EYS: variants seen among roughly 807,000 people sequenced by gnomAD.
EYS encodes protein eyes shut homolog.
Under a neutral mutation model 282.1 loss-of-function variants are expected in EYS, and 250 were observed. The ratio of observed to expected loss-of-function variants is 0.89; its 90% CI spans 0.80 to 0.98. EYS has a LOEUF of 0.98. EYS is among the 50% of genes least tolerant of loss of function. The probability of loss-of-function intolerance (pLI) is 0.00; values close to 1 mark genes in which losing one functional copy is unlikely to be tolerated. For missense variants in EYS, 4,016 were observed against 3,709.0 expected (o/e 1.08, Z -2.15); for synonymous variants, 1,355 against 1,282.9 (o/e 1.06, Z -1.20).
intron 12 of EYS, among the ~76,000 whole-genome samples, chr6:65,261,095 TC>T (rs1411014606): frequency 6.6e-6 from 1 of 152,038 alleles, no homozygotes; most frequent in Non-Finnish European, 1.5e-5. Flanking sequence ...TAAGAACATT[TC>T]AGAATGCATT....
intron 26 of EYS, among the ~76,000 whole-genome samples, chr6:64,509,464 T>G (rs2150517813): frequency 6.6e-6 from 1 of 152,274 alleles, no homozygotes; most frequent in Non-Finnish European, 1.5e-5. Flanking sequence ...GTCATGTAAT[T>G]GTCCTTAGTT....
chr6:64,003,556 A>G (rs1582113986), intron 33 of EYS, among the ~76,000 whole-genome samples: 1 of 152,226 alleles, frequency 6.6e-6, no homozygotes, highest in Non-Finnish European at 1.5e-5. Flanking sequence ...CATATACCCC[A>G]TAAATATAGA....
At chr6:65,582,282 A>G (rs531988123) in intron 2 of EYS, among the ~76,000 whole-genome samples, 1 of 152,210 alleles carries the variant, frequency 6.6e-6, no homozygotes, top group South Asian at 2.1e-4. Context: ...TTGGAAAAGC[A>G]GGTGTGAAGT....
chr6:64,762,001 A>G lies in EYS; in HGVS notation c.3443+51377T>C, dbSNP rs550080859. 3.9e-5 allele frequency among the ~76,000 whole-genome samples: 6 copies of G among 152,304 alleles called. No individual in the cohort carries two copies. In the South Asian group the frequency reaches 1.2e-3, roughly 32 times the overall value. On this transcript the variant is annotated intron_variant, in intron 22 of 42. Transcript: ENST00000503581. The stretch of plus-strand genomic sequence containing the variant: ...CACAGCAAAGTGACTATACTTAATA[A>G]TAATGAATGAATGATATATTGTATA...
At chr6:65,491,998 C>G (rs1766063610) in intron 4 of EYS, among the ~76,000 whole-genome samples, 1 of 152,086 alleles carries the variant, frequency 6.6e-6, no homozygotes, top group African/African-American at 2.4e-5. Context: ...TCAGAAGAAA[C>G]CATATCTGCC....
At chr6:64,670,408 A>T (rs949305183) in intron 22 of EYS, among the ~76,000 whole-genome samples, 1 of 129,924 alleles carries the variant, frequency 7.7e-6, no homozygotes, top group Non-Finnish European at 1.6e-5. Flanking sequence ...GCCCAAAATA[A>T]ATAAATAAAT....
intron 36 of EYS, among the ~76,000 whole-genome samples, chr6:63,859,111 T>A (rs2348400): frequency 0.58 from 41,238 of 71,036 alleles, 11,135 homozygotes; most frequent in Middle Eastern, 0.73. Context: ...TTTTTTTTTT[T>A]AATAGCTGGG....
At chr6:65,265,213 C>T (rs1348679567) in intron 12 of EYS, among the ~76,000 whole-genome samples, 1 of 151,968 alleles carries the variant, frequency 6.6e-6, no homozygotes, top group East Asian at 1.9e-4. Flanking sequence ...CCCTAGGTAA[C>T]AAACCTACAC....
At chr6:64,356,948 T>C (rs868434061) in intron 29 of EYS, among the ~76,000 whole-genome samples, 2 of 151,524 alleles carry the variant, frequency 1.3e-5, no homozygotes, top group Admixed American at 6.6e-5. Flanking sequence ...CATTTCTAAA[T>C]CCAAGCCCTA....
chr6:64,256,483 A>G (rs1028218118), intron 30 of EYS, among the ~76,000 whole-genome samples: 2 of 152,038 alleles, frequency 1.3e-5, no homozygotes, highest in Admixed American at 1.3e-4. Context: ...TTGATATTTC[A>G]TTTAAGCAGC....
chr6:64,836,688 T>C (rs1355034680), intron 19 of EYS, among the ~76,000 whole-genome samples: 1 of 151,530 alleles, frequency 6.6e-6, no homozygotes, highest in Non-Finnish European at 1.5e-5. Flanking sequence ...ATGGTTACAA[T>C]CTCGATTGGT....
At chr6:64,812,777 A>G (rs1764635333) in intron 22 of EYS, among the ~76,000 whole-genome samples, 2 of 118,392 alleles carry the variant, frequency 1.7e-5, no homozygotes, top group Non-Finnish European at 3.9e-5. Context: ...GGGTTCGGTT[A>G]TTATTTTAAA....
At chr6:65,667,450 C>A in intron 1 of EYS, among the ~76,000 whole-genome samples, 1 of 151,802 alleles carries the variant, frequency 6.6e-6, no homozygotes, top group Non-Finnish European at 1.5e-5. Context: ...TTTGTAATTG[C>A]CATTTCCTCT....
intron 11 of EYS, among the ~76,000 whole-genome samples, chr6:65,306,818 G>A (rs1218892660): frequency 1.7e-5 from 1 of 60,272 alleles, no homozygotes; most frequent in African/African-American, 5.4e-5. Context: ...GGGCAGCAGA[G>A]CAAGAGTCCG....
At chr6:63,945,460 A>G (rs1385417001) in intron 35 of EYS, among the ~76,000 whole-genome samples, 1 of 152,162 alleles carries the variant, frequency 6.6e-6, no homozygotes, top group African/African-American at 2.4e-5. Context: ...TATCAGCCAT[A>G]TATACAGGTA....
chr6:65,492,939 G>T (rs1301218656), intron 4 of EYS, among the ~76,000 whole-genome samples: 1 of 151,970 alleles, frequency 6.6e-6, no homozygotes, highest in Admixed American at 6.6e-5. Context: ...TATTTTTTGA[G>T]ACAGTCTCCC....
chr6:64,855,486 G>T (rs1766030220), intron 19 of EYS, among the ~76,000 whole-genome samples: 1 of 152,000 alleles, frequency 6.6e-6, no homozygotes, highest in African/African-American at 2.4e-5. Flanking sequence ...TTTTAGAACA[G>T]TTTTGTATTA....
intron 22 of EYS, among the ~76,000 whole-genome samples, chr6:64,658,196 C>T (rs1429784425): frequency 6.6e-6 from 1 of 152,194 alleles, no homozygotes; most frequent in Non-Finnish European, 1.5e-5. Flanking sequence ...CCTTGGTTTT[C>T]AGCTCCATCA....
At chr6:65,539,070 T>C (rs1347944335) in intron 2 of EYS, among the ~76,000 whole-genome samples, 1 of 152,204 alleles carries the variant, frequency 6.6e-6, no homozygotes, top group Non-Finnish European at 1.5e-5. Context: ...ATTTAAAGTG[T>C]TTATTATTTT....
Sources: allele counts gnomAD v4.1 joint callset (sites outside exome capture counted in the v4.1 genomes callset), GRCh38; gene constraint gnomAD v4.1.1; transcripts MANE v1.5; gene names NCBI Gene and HGNC (gene_info 2026-07-23, HGNC 2026-07-21).